Variants in IP6K1 observed in about 807,000 individuals in gnomAD.
IP6K1 encodes the protein inositol hexakisphosphate kinase 1, also known as ATP:1D-myo-inositol-hexakisphosphate phosphotransferase.
IP6K1 carries 13 observed loss-of-function variants against 38.3 expected under a neutral mutation model. The ratio of observed to expected loss-of-function variants is 0.34; its 90% confidence interval spans 0.22 to 0.54. The LOEUF (loss-of-function observed/expected upper bound fraction) is 0.54. Ranked by LOEUF, IP6K1 falls within the 20% of genes least tolerant of loss-of-function variation. The pLI, the probability that IP6K1 is intolerant of heterozygous loss-of-function variation, is 0.92. For synonymous variants in IP6K1, 212 were observed against 229.9 expected, an observed-to-expected ratio of 0.92 and a Z score of 0.70; for missense variants, 397 against 599.8, an observed-to-expected ratio of 0.66 and a Z score of 3.53.
At chr3:49,731,704 C>T (rs2080563008) in intron 4 of IP6K1, among the ~76,000 whole-genome samples, 1 of 151,984 alleles carries the variant, frequency 6.6e-6, no homozygotes, top group East Asian at 1.9e-4. Flanking sequence ...TTGTCTACTA[C>T]TTCAAAACAC....
At chr3:49,734,899 C>G (rs1394766450) in intron 3 of IP6K1, among the ~76,000 whole-genome samples, 3 of 152,196 alleles carry the variant, frequency 2.0e-5, no homozygotes, top group African/African-American at 7.2e-5. Flanking sequence ...GCTAACAGGT[C>G]AGACAGAGGT....
chr3:49,773,146 T>C (rs931822917), intron 1 of IP6K1, among the ~76,000 whole-genome samples: 1 of 152,122 alleles, frequency 6.6e-6, no homozygotes, highest in Non-Finnish European at 1.5e-5. Context: ...TTGTATATAG[T>C]CCCAATTCTA....
intron 1 of IP6K1, among the ~76,000 whole-genome samples, chr3:49,756,171 A>G (rs1396769746): frequency 2.6e-5 from 4 of 152,206 alleles, no homozygotes; most frequent in Non-Finnish European, 5.9e-5. Flanking sequence ...GTCCTATCAC[A>G]GGAGCTAGGA....
chr3:49,740,206 T>C (rs1238243370), intron 2 of IP6K1, among the ~76,000 whole-genome samples: 4 of 146,630 alleles, frequency 2.7e-5, no homozygotes, highest in Admixed American at 2.1e-4. Flanking sequence ...GATCGATCGA[T>C]AGAAACATAA....
chr3:49,737,140 G>A (rs2080620374), intron 3 of IP6K1, among the ~76,000 whole-genome samples: 1 of 148,406 alleles, frequency 6.7e-6, no homozygotes, highest in Non-Finnish European at 1.5e-5. Context: ...GAAACTCCTG[G>A]CCTCAAAGGA....
intron 1 of IP6K1, among the ~76,000 whole-genome samples, chr3:49,762,019 T>C (rs71324993): frequency 1.3e-5 from 2 of 152,144 alleles, no homozygotes; most frequent in African/African-American, 4.8e-5. Flanking sequence ...TGGCACGATC[T>C]TGGCTCACTG....
At chr3:49,776,152 A>G (rs930742131) in intron 1 of IP6K1, among the ~76,000 whole-genome samples, 4 of 151,988 alleles carry the variant, frequency 2.6e-5, no homozygotes, top group Non-Finnish European at 5.9e-5. Context: ...TTGCTATTAC[A>G]TTAATAAAGT....
intron 1 of IP6K1, among the ~76,000 whole-genome samples, chr3:49,767,160 C>T (rs756770650): frequency 2.0e-5 from 3 of 151,586 alleles, no homozygotes; most frequent in East Asian, 1.9e-4. Flanking sequence ...CCAGTAGTCT[C>T]GGCTACTTGG....
chr3:49,735,516 G>T (rs560594717), intron 3 of IP6K1, among the ~76,000 whole-genome samples: 1 of 152,172 alleles, frequency 6.6e-6, no homozygotes, highest in African/African-American at 2.4e-5. Flanking sequence ...GGAGTGAAGG[G>T]GAAGCACTAG....
At chr3:49,785,449 T>G (rs2081104946) in intron 1 of IP6K1, 2 of 152,102 alleles carry the variant, frequency 1.3e-5, no homozygotes, top group African/African-American at 4.8e-5. Context: ...GAGGCTGTGG[T>G]GAGCCGAGAT....
intron 1 of IP6K1, among the ~76,000 whole-genome samples, chr3:49,762,292 C>T (rs2080874131): frequency 6.6e-6 from 1 of 152,014 alleles, no homozygotes; most frequent in East Asian, 1.9e-4. Flanking sequence ...ACCTGCAATC[C>T]CGGTACTTTG....
intron 1 of IP6K1, among the ~76,000 whole-genome samples, chr3:49,781,958 T>C (rs2081069371): frequency 6.6e-6 from 1 of 151,810 alleles, no homozygotes; most frequent in African/African-American, 2.4e-5. Flanking sequence ...CTGAGCACAG[T>C]TGTGCCCACC....
At chr3:49,728,347 T>G in intron 4 of IP6K1, 69 bp from the exon 5 acceptor site, 1 of 1,519,542 alleles carries the variant, frequency 6.6e-7, no homozygotes, top group Non-Finnish European at 9.0e-7. Context: ...CACAACCCAG[T>G]TTTTCTATAA....
intron 1 of IP6K1, among the ~76,000 whole-genome samples, chr3:49,774,835 C>CA (rs1327078478): frequency 6.6e-6 from 1 of 151,486 alleles, no homozygotes; most frequent in Non-Finnish European, 1.5e-5. Context: ...TGCACCTAGA[C>CA]AAAATAAATG....
chr3:49,772,681 G>A (rs2080970393), intron 1 of IP6K1, among the ~76,000 whole-genome samples: 1 of 151,670 alleles, frequency 6.6e-6, no homozygotes, highest in Admixed American at 6.6e-5. Context: ...GGGATTACAG[G>A]CATGAGCCAC....
intron 2 of IP6K1, among the ~76,000 whole-genome samples, chr3:49,745,306 G>A (rs943625580): frequency 6.6e-6 from 1 of 152,042 alleles, no homozygotes; most frequent in African/African-American, 2.4e-5. Context: ...GAGCAGGTGT[G>A]GATAAGGGTA....
At chr3:49,754,376 AG>A (rs1014241736) in intron 1 of IP6K1, among the ~76,000 whole-genome samples, 3 of 34,774 alleles carry the variant, frequency 8.6e-5, no homozygotes, top group Admixed American at 4.5e-4. Context: ...ATCTTGTCTC[AG>A]GGGAAAAAAA....
chr3:49,738,291 G>A lies in IP6K1; in HGVS notation c.355C>T (p.Arg119Cys), dbSNP rs1488584398. 5 of 1,614,180 alleles carry A rather than the reference G, an allele frequency of 3.1e-6. No homozygotes were observed. Among genetic ancestry groups the A allele is most frequent in the Non-Finnish European group, 4.2e-6 (5 of 1,180,028 alleles). Residue 119 changes from arginine (R) to cysteine (C), a missense_variant, in exon 3 of 6, where the codon CGC (arginine) becomes TGC (cysteine). Transcript: ENST00000321599. ...CTGCCTGACCGGTGCAGGCTCCGGC[G>A]GGAGTGTTTGCGCCGAGGTTGCTCC... ...EREQPRRKHSRRSLHRSGSGS... is the reference protein window; with the variant it reads ...EREQPRRKHSCRSLHRSGSGS...
chr3:49,742,376 TGTCTCTACTAAA>T (rs1315559214), intron 2 of IP6K1, among the ~76,000 whole-genome samples: 3 of 151,996 alleles, frequency 2.0e-5, no homozygotes, highest in East Asian at 3.9e-4. Context: ...GGTGAAACCC[TGTCTCTACTAAA>T]AATACAAAAA....
Sources: gnomAD v4.1 joint callset for allele counts (sites outside exome capture counted in the v4.1 genomes callset) on GRCh38, gnomAD v4.1.1 for gene constraint, MANE v1.5 for transcripts, NCBI Gene and HGNC (gene_info 2026-07-23, HGNC 2026-07-21) for gene names.